Variants in TRIM33 observed in about 807,000 individuals in gnomAD.
TRIM33 encodes tripartite motif containing 33, also known as E3 ubiquitin-protein ligase TRIM33.
In TRIM33, 20 loss-of-function variants were observed where a neutral mutation model predicts 125.4. The ratio of observed to expected loss-of-function variants is 0.16; its 90% CI spans 0.11 to 0.23. The LOEUF is 0.23. Among genes scored for constraint, TRIM33 ranks in the 10% least tolerant of loss-of-function variants. The pLI, the probability that TRIM33 is intolerant of heterozygous loss-of-function variation, is 1.00. For synonymous variants in TRIM33, 564 were observed against 513.9 expected, an observed-to-expected ratio of 1.10 and a Z score of -1.32; for missense variants, 920 against 1,411.4, an observed-to-expected ratio of 0.65 and a Z score of 5.58.
In TRIM33 at chr1:114,395,791, G is replaced by A. The variant is rs1466106576; in HGVS notation, c.*1857C>T. ...GAAAGAAAAGTGAAAAGGAAGCCAGGAATAAAGTAAATCAATAGTAATAAT... is the reference window on the plus strand; with the variant it reads ...GAAAGAAAAGTGAAAAGGAAGCCAGAAATAAAGTAAATCAATAGTAATAAT... On this transcript the variant is annotated 3_prime_UTR_variant, in exon 20 of 20. Coordinates refer to ENST00000358465, the MANE Select transcript of TRIM33 (RefSeq NM_015906.4). The A allele has an allele frequency of 5.3e-6, 1 of 189,632 alleles. No homozygotes were observed. Among genetic ancestry groups the A allele is most frequent in the Admixed American group, 6.2e-5 (1 of 16,204 alleles). The allele number at this position is 189,632 out of a possible 1,614,324, so 11.7% of individuals were successfully genotyped here.
intron 1 of TRIM33, chr1:114,468,614 A>G (rs552120295): frequency 2.4e-6 from 1 of 420,550 alleles, no homozygotes. Flanking sequence ...GGTGTAAAGG[A>G]TCTTAAGATT....
chr1:114,427,081 T>A (rs1160178050), intron 8 of TRIM33, 96 bp downstream of exon 8: 1 of 591,418 alleles, frequency 1.7e-6, no homozygotes, highest in African/African-American at 1.9e-5. Flanking sequence ...AACATTAGTT[T>A]TATAAAGTTA....
intron 8 of TRIM33, 93 bp from the exon 9 acceptor site, chr1:114,425,816 C>T: frequency 1.2e-6 from 1 of 855,166 alleles, no homozygotes; most frequent in Non-Finnish European, 1.8e-6. Flanking sequence ...CCTCTGACAA[C>T]TATCAGCACC....
chr1:114,427,368 GA>G (rs1341471602), intron 7 of TRIM33, 74 bp from the exon 8 acceptor site: 8 of 807,940 alleles, frequency 9.9e-6, no homozygotes, highest in Admixed American at 4.7e-5. Context: ...AAGACATTAA[GA>G]AAAAAAAGCA....
intron 4 of TRIM33, among the ~76,000 whole-genome samples, chr1:114,434,970 T>C (rs976484182): frequency 7.2e-5 from 11 of 152,160 alleles, no homozygotes; most frequent in Admixed American, 3.3e-4. Flanking sequence ...CACACATAAA[T>C]ACTTCAATAT....
At chr1:114,489,236 A>C (rs72696017) in intron 1 of TRIM33, among the ~76,000 whole-genome samples, 3 of 152,208 alleles carry the variant, frequency 2.0e-5, no homozygotes, top group Non-Finnish European at 2.9e-5. Context: ...ATCCTTGTGC[A>C]AAAGAATGAA....
At position 114,510,721 on chromosome 1, in the gene TRIM33, G is replaced by C. The variant is rs752588398; in HGVS notation, c.356C>G (p.Ala119Gly). The C allele has an allele frequency of 2.6e-6, 4 of 1,535,856 alleles. No individual in the cohort carries two copies. Among genetic ancestry groups the C allele is most frequent in the Non-Finnish European group, 3.5e-6 (4 of 1,146,394 alleles). ...CACGGCGCAGGTGTCCAGGAGCGAG[G>C]CTGGCGGTCCAGGAGGCGGCCCTGC... The part of the protein sequence containing the change: ...PSAGPPPGPP[A>G]SLLDTCAVCQ... The change falls in exon 1 of 20, where the codon GCC becomes GGC. Residue 119 changes from alanine to glycine, a missense_variant. Ala to Gly is a moderately conservative substitution (Grantham distance 60, BLOSUM62 0). Coordinates refer to ENST00000358465, the MANE Select transcript of TRIM33 (RefSeq NM_015906.4).
rs1264946738 is a variant in TRIM33 at position 114,497,461 on chromosome 1, G to A, written c.526+13090C>T. Among the ~76,000 whole-genome samples the A allele has an allele frequency of 3.3e-5, 5 of 151,826 alleles. No individual in the cohort carries two copies. In the East Asian group the frequency reaches 5.8e-4, roughly 18 times the overall value. ...ACAGGCACCTGTCACCACACCCAGC[G>A]AATTTTTTTTTGTATTTTTAGTAGA... is the stretch of plus-strand genomic sequence containing the variant. On this transcript the variant is annotated intron_variant, in intron 1 of 19. Transcript: ENST00000358465.
At chr1:114,454,197 T>G (rs1370717325) in intron 4 of TRIM33, among the ~76,000 whole-genome samples, 2 of 152,064 alleles carry the variant, frequency 1.3e-5, no homozygotes, top group African/African-American at 4.8e-5. Flanking sequence ...CTAAAACAGG[T>G]GGTTTGCGAA....
chr1:114,430,732 T>A, intron 6 of TRIM33, 66 bp downstream of exon 6: 1 of 876,916 alleles, frequency 1.1e-6, no homozygotes, highest in Admixed American at 1.8e-5. Context: ...TAGTTTTCAA[T>A]AAACATTAAA....
At chr1:114,502,614 C>T (rs1489910430) in intron 1 of TRIM33, among the ~76,000 whole-genome samples, 2 of 152,142 alleles carry the variant, frequency 1.3e-5, no homozygotes, top group African/African-American at 4.8e-5. Context: ...TCAAGTGATC[C>T]TCCCACCTCA....
At position 114,511,037 on chromosome 1, in the gene TRIM33, C is replaced by T. The variant is rs1445288930; in HGVS notation, c.40G>A (p.Gly14Ser). ...ACCGGCGCGCTGCCGCTGCCCCCGC[C>T]GCCGCTCTCAGCCTCGCCGCCGCCT... ...NKGGGEAESG[G>S]GGSGSAPVTA... is the part of the protein sequence containing the mutation. Residue 14 changes from glycine to serine, a missense_variant, in exon 1 of 20, where the codon GGC (glycine) becomes AGC (serine). Physicochemically the swap from Gly to Ser is moderately conservative, Grantham distance 56. Transcript: ENST00000358465. The T allele has an allele frequency of 7.6e-7, 1 of 1,318,968 alleles. No homozygotes were observed. 81.7% of individuals were successfully genotyped at this position (1,318,968 alleles called of 1,614,324 possible).
chr1:114,505,243 C>T (rs1652925647), intron 1 of TRIM33, among the ~76,000 whole-genome samples: 1 of 152,154 alleles, frequency 6.6e-6, no homozygotes, highest in African/African-American at 2.4e-5. Flanking sequence ...TCGTTAATGA[C>T]TGGTTGTTGG....
chr1:114,446,048 G>A (rs537304223), intron 4 of TRIM33, among the ~76,000 whole-genome samples: 1 of 152,018 alleles, frequency 6.6e-6, no homozygotes, highest in Non-Finnish European at 1.5e-5. Context: ...AGTAGACAGG[G>A]TTTCACCATG....
intron 4 of TRIM33, among the ~76,000 whole-genome samples, chr1:114,461,439 A>AGAACT: frequency 6.6e-6 from 1 of 151,568 alleles, no homozygotes; most frequent in Non-Finnish European, 1.5e-5. Context: ...AGACGGCGAC[A>AGAACT]GAACTGAACT....
intron 13 of TRIM33, among the ~76,000 whole-genome samples, 167 bp downstream of exon 13, chr1:114,408,510 A>G (rs1652387375): frequency 6.6e-6 from 1 of 152,218 alleles, no homozygotes; most frequent in African/African-American, 2.4e-5. Context: ...AATTCAGACC[A>G]GAAAGGAATT....
Position 114,397,920 on chromosome 1 carries a change from G to C in TRIM33, c.3171+20C>G. The C allele has an allele frequency of 6.2e-7, 1 of 1,613,594 alleles. No individual in the cohort carries two copies. Among genetic ancestry groups the C allele is most frequent in the Non-Finnish European group, 8.5e-7 (1 of 1,179,844 alleles). On this transcript the variant is annotated intron_variant, in intron 19 of 19. Transcript: ENST00000358465. ...TAATGCATATTCCTTCACCAAGTTT[G>C]CATGGTCTGAAAAGCTTACCTTCAA...
intron 10 of TRIM33, among the ~76,000 whole-genome samples, chr1:114,423,298 T>C (rs1388088981): frequency 6.6e-6 from 1 of 152,166 alleles, no homozygotes; most frequent in Non-Finnish European, 1.5e-5. Context: ...AATAGGCTAA[T>C]CTATATCTAT....
chr1:114,411,365 G>A (rs910078577), intron 11 of TRIM33, among the ~76,000 whole-genome samples: 23 of 152,160 alleles, frequency 1.5e-4, no homozygotes, highest in African/African-American at 5.3e-4. Flanking sequence ...GCTGAAGGTA[G>A]GAGTAGGCAG....
Sources: gnomAD v4.1 joint callset for allele counts (sites outside exome capture counted in the v4.1 genomes callset) on GRCh38, gnomAD v4.1.1 for gene constraint, MANE v1.5 for transcripts, NCBI Gene and HGNC (gene_info 2026-07-23, HGNC 2026-07-21) for gene names.